Variants in PDE10A observed in about 807,000 individuals in gnomAD.
PDE10A encodes the protein cAMP and cAMP-inhibited cGMP 3',5'-cyclic phosphodiesterase 10A.
A neutral mutation model predicts 97.7 loss-of-function variants in PDE10A; 39 were observed. The ratio of observed to expected loss-of-function variants is 0.40; its 90% CI spans 0.31 to 0.52. PDE10A has a LOEUF of 0.52. Among genes scored for constraint, PDE10A ranks in the 20% least tolerant of loss-of-function variants. PDE10A has a pLI of 0.56. For synonymous variants in PDE10A, 371 were observed against 376.8 expected (o/e 0.98, Z 0.18); for missense variants, 731 against 1,047.8 (o/e 0.70, Z 4.17).
chr6:165,714,839 A>G (rs1791986568), intron 1 of PDE10A, among the ~76,000 whole-genome samples: 1 of 152,240 alleles, frequency 6.6e-6, no homozygotes, highest in African/African-American at 2.4e-5. Flanking sequence ...GTCCCAACCC[A>G]CAGCGACAGA....
At chr6:165,844,740 A>G (rs1780360099) in intron 1 of PDE10A, among the ~76,000 whole-genome samples, 1 of 152,156 alleles carries the variant, frequency 6.6e-6, no homozygotes, top group Non-Finnish European at 1.5e-5. Context: ...TAATTTAAGG[A>G]GGTTGAAAAG....
In PDE10A at chr6:165,619,549, GTAGTCTAGTGTAGTA is replaced by G. The variant is rs1184440594; in HGVS notation, c.865+42383_865+42397del. 2.8e-3 allele frequency among the ~76,000 whole-genome samples: 326 copies of G among 116,140 alleles called. 93 individuals carry two copies. The highest frequency in any genetic ancestry group is 0.011 in the African/African-American group (276 of 25,842). 76.2% of individuals were successfully genotyped at this position (116,140 alleles called of 152,430 possible). ...GTAGTGTAGTCTAATGTAGTGTAGT[GTAGTCTAGTGTAGTA>G]TACTGTAGTCTAGCGTAGTGTACTG... On this transcript the variant is annotated intron_variant, in intron 1 of 21. Transcript: ENST00000539869.
intron 1 of PDE10A, among the ~76,000 whole-genome samples, chr6:165,704,645 A>G (rs753914468): frequency 6.6e-6 from 1 of 152,210 alleles, no homozygotes; most frequent in South Asian, 2.1e-4. Flanking sequence ...ACAGCAAAAA[A>G]TAAATAAATA....
At chr6:165,659,231 C>G (rs1195117963) in intron 1 of PDE10A, among the ~76,000 whole-genome samples, 1 of 152,016 alleles carries the variant, frequency 6.6e-6, no homozygotes, top group African/African-American at 2.4e-5. Flanking sequence ...GACAAAACAG[C>G]CTTTACGTGA....
In PDE10A at chr6:165,663,135, G is replaced by A. The variant is rs965303404; in HGVS notation, c.-324C>T. On this transcript the variant is annotated 5_prime_UTR_variant, in exon 1 of 22. Coordinates refer to ENST00000539869, the MANE Select transcript of PDE10A (RefSeq NM_001385079.1). ...TGCAGGCGTGGCGTGGTGTGTGCGC[G>A]CTCCGGCGGCTGAGCCTCGGCGGCT... is the stretch of plus-strand genomic sequence containing the variant. 3.9e-5 allele frequency among the ~76,000 whole-genome samples: 6 copies of A among 151,918 alleles called. No individual in the cohort carries two copies. Among genetic ancestry groups the A allele is most frequent in the Non-Finnish European group, 8.8e-5 (6 of 67,952 alleles).
At chr6:165,546,951 C>G (rs149817394) in intron 1 of PDE10A, among the ~76,000 whole-genome samples, 1 of 152,062 alleles carries the variant, frequency 6.6e-6, no homozygotes, top group Non-Finnish European at 1.5e-5. Flanking sequence ...TAATTGCATA[C>G]ATACAGCACC....
intron 18 of PDE10A, among the ~76,000 whole-genome samples, chr6:165,369,983 T>G (rs1388706818): frequency 7.6e-6 from 1 of 132,368 alleles, no homozygotes; most frequent in Non-Finnish European, 1.6e-5. Context: ...CAAACTAAGC[T>G]TCAAAAGTGA....
At chr6:165,635,118 G>A (rs1421291676) in intron 1 of PDE10A, among the ~76,000 whole-genome samples, 2 of 152,168 alleles carry the variant, frequency 1.3e-5, no homozygotes, top group African/African-American at 4.8e-5. Context: ...CACACTCCTA[G>A]TAGCAGTCAC....
At chr6:165,509,352 C>T (rs1264155246) in intron 2 of PDE10A, among the ~76,000 whole-genome samples, 1 of 151,924 alleles carries the variant, frequency 6.6e-6, no homozygotes, top group Admixed American at 6.6e-5. Context: ...CTTTCCCCAA[C>T]GTATGTTCTT....
chr6:165,694,294 C>T (rs774906490), intron 1 of PDE10A, among the ~76,000 whole-genome samples: 17 of 152,332 alleles, frequency 1.1e-4, no homozygotes, highest in African/African-American at 3.4e-4. Flanking sequence ...TTATGCACCA[C>T]GTTTAACTGC....
At chr6:165,412,605 C>T (rs796572703) in intron 13 of PDE10A, among the ~76,000 whole-genome samples, 2 of 152,262 alleles carry the variant, frequency 1.3e-5, no homozygotes, top group African/African-American at 4.8e-5. Context: ...GACGGGTACT[C>T]TCACTAAATA....
chr6:165,544,956 G>C (rs957317621), intron 1 of PDE10A, among the ~76,000 whole-genome samples: 35 of 151,970 alleles, frequency 2.3e-4, no homozygotes, highest in African/African-American at 8.0e-4. Flanking sequence ...TCTATAAAAT[G>C]CTAAAGATAA....
chr6:165,549,037 G>T (rs1473444470), intron 1 of PDE10A, among the ~76,000 whole-genome samples: 7 of 152,140 alleles, frequency 4.6e-5, no homozygotes, highest in African/African-American at 1.7e-4. Flanking sequence ...CTTCAAGCAG[G>T]TTCAGTCATT....
chr6:165,696,580 G>A (rs570581443), intron 1 of PDE10A, among the ~76,000 whole-genome samples: 7 of 152,150 alleles, frequency 4.6e-5, no homozygotes, highest in African/African-American at 1.7e-4. Flanking sequence ...AAGAAATGGG[G>A]GACTACTCTA....
At position 165,711,849 on chromosome 6, in the gene PDE10A, G is replaced by A. The variant is rs1337184229; in HGVS notation, c.-614-168281C>T. Reference sequence around the variant, plus strand: ...TGTAAAATGCTTTAGCATAAACAGCGGGATGTAGGAGTGTGTTGGTTGGTT... The same window carrying A: ...TGTAAAATGCTTTAGCATAAACAGCAGGATGTAGGAGTGTGTTGGTTGGTT... On this transcript the variant is annotated intron_variant, in intron 1 of 19. Transcript: ENST00000366882. This position sits in a 1 kb window ranked among gnomAD's most constrained non-coding sequence, Gnocchi z 4.5. Among the ~76,000 whole-genome samples the A allele has an allele frequency of 2.0e-5, 3 of 152,160 alleles. No individual in the cohort carries two copies. The highest frequency in any genetic ancestry group is 1.9e-4 in the East Asian group (1 of 5,182).
intron 1 of PDE10A, among the ~76,000 whole-genome samples, chr6:165,901,308 A>G (rs888812198): frequency 6.6e-6 from 1 of 152,182 alleles, no homozygotes; most frequent in African/African-American, 2.4e-5. Context: ...GCCCAGCTCC[A>G]CACCAGGTAT....
intron 2 of PDE10A, among the ~76,000 whole-genome samples, chr6:165,504,146 G>T (rs934360284): frequency 6.6e-6 from 1 of 152,132 alleles, no homozygotes; most frequent in Non-Finnish European, 1.5e-5. Flanking sequence ...CTACCAAGTA[G>T]AGATAGGTAA....
chr6:165,336,974 T>C (rs1490689107), intron 20 of PDE10A, among the ~76,000 whole-genome samples: 1 of 152,046 alleles, frequency 6.6e-6, no homozygotes, highest in East Asian at 1.9e-4. Context: ...CAGTGCTTTC[T>C]GCTTGTCTGT....
intron 1 of PDE10A, among the ~76,000 whole-genome samples, chr6:165,954,421 T>C (rs1205392754): frequency 6.6e-6 from 1 of 152,222 alleles, no homozygotes; most frequent in South Asian, 2.1e-4. Context: ...GACACTTGGT[T>C]TGGTTCTAGA....
Sources: allele counts gnomAD v4.1 joint callset (sites outside exome capture counted in the v4.1 genomes callset), GRCh38; gene constraint gnomAD v4.1.1; non-coding constraint Gnocchi (gnomAD v3.1); transcripts MANE v1.5; gene names NCBI Gene and HGNC (gene_info 2026-07-23, HGNC 2026-07-21).